SCD5: variants seen among roughly 807,000 people sequenced by gnomAD.
SCD5 encodes the protein stearoyl-CoA desaturase 5.
Under a neutral mutation model 30.4 loss-of-function variants are expected in SCD5, and 20 were observed. The observed-to-expected ratio is 0.66, with a 90% confidence interval of 0.46 to 0.96. SCD5 has a LOEUF of 0.96. Ranked by LOEUF, SCD5 falls within the 40% of genes least tolerant of loss-of-function variation. SCD5 has a pLI of 0.00. For missense variants in SCD5, 381 were observed against 443.3 expected, an observed-to-expected ratio of 0.86 and a Z score of 1.26; for synonymous variants, 173 against 176.4, an observed-to-expected ratio of 0.98 and a Z score of 0.16.
chr4:82,654,636 C>G (rs1727831142), intron 3 of SCD5, among the ~76,000 whole-genome samples: 1 of 152,158 alleles, frequency 6.6e-6, no homozygotes. Context: ...CATCAGGACC[C>G]CTTGCCTCTG....
At chr4:82,756,410 A>G (rs1193993147) in intron 1 of SCD5, among the ~76,000 whole-genome samples, 1 of 152,084 alleles carries the variant, frequency 6.6e-6, no homozygotes, top group African/African-American at 2.4e-5. Flanking sequence ...TAGCCTCTCT[A>G]TGCCTCAACT....
At chr4:82,687,837 C>T (rs564594820) in intron 2 of SCD5, among the ~76,000 whole-genome samples, 54 of 152,308 alleles carry the variant, frequency 3.5e-4, no homozygotes, top group African/African-American at 1.3e-3. Context: ...AGAACTACTC[C>T]CCAGCTTCCT....
At chr4:82,631,573 T>TA in intron 4 of SCD5, 56 bp from the exon 5 acceptor site, 4 of 1,556,096 alleles carry the variant, frequency 2.6e-6, no homozygotes, top group Non-Finnish European at 3.5e-6. Flanking sequence ...TGCATAGATG[T>TA]TTTGAATCAC....
intron 1 of SCD5, among the ~76,000 whole-genome samples, chr4:82,793,141 G>A (rs1286545794): frequency 2.0e-5 from 3 of 152,228 alleles, no homozygotes; most frequent in African/African-American, 7.2e-5. Flanking sequence ...GAAAGGAAGA[G>A]TCATTCACTT....
chr4:82,646,899 T>C (rs1727643953), intron 3 of SCD5, among the ~76,000 whole-genome samples: 1 of 152,088 alleles, frequency 6.6e-6, no homozygotes, highest in Non-Finnish European at 1.5e-5. Context: ...CTCGGGTCAC[T>C]GCAACCTCCG....
At chr4:82,751,438 A>T (rs1164006662) in intron 1 of SCD5, among the ~76,000 whole-genome samples, 1 of 152,208 alleles carries the variant, frequency 6.6e-6, no homozygotes, top group Non-Finnish European at 1.5e-5. Flanking sequence ...GCATATTGAT[A>T]TTGCTTAAAA....
chr4:82,685,551 A>G (rs534205317), intron 2 of SCD5, among the ~76,000 whole-genome samples: 1 of 152,112 alleles, frequency 6.6e-6, no homozygotes, highest in African/African-American at 2.4e-5. Flanking sequence ...CATCTCGACT[A>G]AAAATACAAA....
chr4:82,699,900 TC>T (rs1371610208), intron 2 of SCD5, among the ~76,000 whole-genome samples: 8 of 151,544 alleles, frequency 5.3e-5, no homozygotes, highest in Non-Finnish European at 1.0e-4. Flanking sequence ...GACCTCGTAA[TC>T]CGCCTGCCTC....
Position 82,711,053 on chromosome 4 carries a change from T to C in SCD5, c.233-5640A>G, listed in dbSNP as rs368603863. 2.0e-4 allele frequency among the ~76,000 whole-genome samples: 30 copies of C among 152,290 alleles called. No individual in the cohort carries two copies. In the East Asian group the frequency reaches 3.9e-3, roughly 20 times the overall value. ...TGTGTAAAGTAGGGAAAATAGTACC[T>C]GCCTCCTGGGTTTGTTGTAAAGATT... On this transcript the variant is annotated intron_variant, in intron 1 of 4. Transcript: ENST00000319540.
In SCD5 at chr4:82,631,071, A is replaced by G. The variant is rs566012442; in HGVS notation, c.*256T>C. 3.4e-4 allele frequency: 106 copies of G among 312,730 alleles called. 3 individuals carry two copies. The South Asian group carries it at 6.0e-3, about 18-fold the overall frequency. 19.4% of individuals were successfully genotyped at this position (312,730 alleles called of 1,614,324 possible). On this transcript the variant is annotated 3_prime_UTR_variant, in exon 5 of 5. Coordinates refer to ENST00000319540, the MANE Select transcript of SCD5 (RefSeq NM_001037582.3). ...GGCTGCAGTGAGCCGAGACTGCGCC[A>G]CTGCACTCCAGCCTGGGTGACAGAG...
At chr4:82,681,823 G>A (rs781529106) in intron 2 of SCD5, among the ~76,000 whole-genome samples, 1 of 152,178 alleles carries the variant, frequency 6.6e-6, no homozygotes, top group Non-Finnish European at 1.5e-5. Context: ...AATCTTGGTT[G>A]TCATAAGAGA....
intron 3 of SCD5, among the ~76,000 whole-genome samples, chr4:82,645,393 A>C (rs116529571): frequency 1.3e-5 from 2 of 152,082 alleles, no homozygotes; most frequent in African/African-American, 4.8e-5. Flanking sequence ...CAAGAAATAG[A>C]GTGGCTCTCC....
chr4:82,733,194 A>G, intron 1 of SCD5, among the ~76,000 whole-genome samples: 1 of 152,188 alleles, frequency 6.6e-6, no homozygotes, highest in Non-Finnish European at 1.5e-5. Context: ...AAAACAGGTC[A>G]GGCTCTCCAC....
At chr4:82,770,026 AT>A (rs1362138442) in intron 1 of SCD5, among the ~76,000 whole-genome samples, 1 of 151,948 alleles carries the variant, frequency 6.6e-6, no homozygotes, top group East Asian at 1.9e-4. Flanking sequence ...TCACACCTCA[AT>A]TTATTTATTT....
Position 82,630,094 on chromosome 4 carries a change from T to G in SCD5, c.*1233A>C, listed in dbSNP as rs1463013810. ...ACGAGAGCTTAATTTGAGCTTAATTTGATGTCTGGCATGTCAGAGTTATAC... is the reference window on the plus strand; with the variant it reads ...ACGAGAGCTTAATTTGAGCTTAATTGGATGTCTGGCATGTCAGAGTTATAC... On this transcript the variant is annotated 3_prime_UTR_variant, in exon 5 of 5. Coordinates refer to ENST00000319540, the MANE Select transcript of SCD5 (RefSeq NM_001037582.3). 6 of 152,232 alleles carry G rather than the reference T, an allele frequency of 3.9e-5. No homozygotes were observed. The highest frequency in any genetic ancestry group is 1.4e-4 in the African/African-American group (6 of 41,450). 9.4% of individuals were successfully genotyped at this position (152,232 alleles called of 1,614,324 possible).
intron 1 of SCD5, among the ~76,000 whole-genome samples, chr4:82,741,719 T>C (rs73829986): frequency 0.041 from 6,224 of 152,064 alleles, 424 homozygotes; most frequent in African/African-American, 0.14. Context: ...ACCAATATGA[T>C]AGATATCAGA....
chr4:82,680,575 T>C, intron 3 of SCD5, 132 bp downstream of exon 3: 1 of 791,716 alleles, frequency 1.3e-6, no homozygotes, highest in South Asian at 1.8e-5. Flanking sequence ...TAGAGATAAA[T>C]CTTATAAATA....
Position 82,636,836 on chromosome 4 carries a change from A to G in SCD5, c.570-13T>C. 6.3e-7 allele frequency: 1 copy of G among 1,593,380 alleles called. No individual in the cohort carries two copies. ...GATCTTATAGTACCTACAGGGCAAG[A>G]CACCATATCACCATGAGGACCCGCT... On this transcript the variant is annotated splice_polypyrimidine_tract_variant and intron_variant, in intron 3 of 4. Coordinates refer to ENST00000319540, the MANE Select transcript of SCD5 (RefSeq NM_001037582.3).
At chr4:82,737,618 C>T (rs966298132) in intron 1 of SCD5, among the ~76,000 whole-genome samples, 2 of 152,116 alleles carry the variant, frequency 1.3e-5, no homozygotes, top group African/African-American at 4.8e-5. Flanking sequence ...AACTGTATCC[C>T]AATTTGTCAA....
Sources: allele counts gnomAD v4.1 joint callset (sites outside exome capture counted in the v4.1 genomes callset), GRCh38; gene constraint gnomAD v4.1.1; transcripts MANE v1.5; gene names NCBI Gene and HGNC (gene_info 2026-07-23, HGNC 2026-07-21).